EPB41L2: variants seen among roughly 807,000 people sequenced by gnomAD.
EPB41L2 encodes erythrocyte membrane protein band 4.1 like 2.
EPB41L2 carries 43 observed loss-of-function variants against 113.0 expected under a neutral mutation model. The observed-to-expected ratio is 0.38, with a 90% CI of 0.30 to 0.49. The LOEUF (loss-of-function observed/expected upper bound fraction) is 0.49. Ranked by LOEUF, EPB41L2 falls within the 20% of genes least tolerant of loss-of-function variation. The probability of loss-of-function intolerance (pLI) is 0.95; values close to 1 mark genes in which losing one functional copy is unlikely to be tolerated. For missense variants in EPB41L2, 1,147 were observed against 1,223.4 expected, an observed-to-expected ratio of 0.94 and a Z score of 0.93; for synonymous variants, 442 against 436.7, an observed-to-expected ratio of 1.01 and a Z score of -0.15.
intron 3 of EPB41L2, among the ~76,000 whole-genome samples, chr6:130,935,544 C>A (rs1808490705): frequency 6.6e-6 from 1 of 151,862 alleles, no homozygotes; most frequent in African/African-American, 2.4e-5. Context: ...AAAATGGCAC[C>A]AAAAAAATCT....
chr6:130,890,781 T>C (rs1792578307), intron 10 of EPB41L2, among the ~76,000 whole-genome samples: 1 of 152,208 alleles, frequency 6.6e-6, no homozygotes, highest in East Asian at 1.9e-4. Flanking sequence ...TAAACACATG[T>C]CTGAATTTTT....
At chr6:130,896,276 T>C (rs963413813) in intron 8 of EPB41L2, among the ~76,000 whole-genome samples, 1 of 152,236 alleles carries the variant, frequency 6.6e-6, no homozygotes, top group Non-Finnish European at 1.5e-5. Context: ...TTAGACCAAC[T>C]TGAGCCATTT....
intron 12 of EPB41L2, chr6:130,880,468 T>A: frequency 1.5e-6 from 1 of 656,218 alleles, no homozygotes; most frequent in Non-Finnish European, 2.7e-6. Context: ...TCCAGCTGCG[T>A]TTCCTCTTCT....
intron 10 of EPB41L2, among the ~76,000 whole-genome samples, chr6:130,893,002 C>T (rs959005274): frequency 3.9e-5 from 6 of 152,068 alleles, no homozygotes; most frequent in African/African-American, 1.2e-4. Flanking sequence ...GCTAGCTAAA[C>T]TGCAGTGAGA....
rs79349854 is a variant in EPB41L2, at chr6:131,033,887, C to T, written c.-15+29268G>A. Among the ~76,000 whole-genome samples the T allele has an allele frequency of 2.6e-3, 397 of 152,284 alleles. 3 individuals are homozygous for T. Among genetic ancestry groups the T allele is most frequent in the East Asian group, 0.019 (97 of 5,186 alleles). On this transcript the variant is annotated intron_variant, in intron 1 of 19. Transcript: ENST00000337057. ...GGTGATGGTTGCACAGCATTGTGAA[C>T]ATACTTCATGCTTCTGAGCTGCACA...
chr6:131,022,945 G>A (rs1195088383), intron 1 of EPB41L2, among the ~76,000 whole-genome samples: 1 of 152,116 alleles, frequency 6.6e-6, no homozygotes, highest in African/African-American at 2.4e-5. Flanking sequence ...ATTTCCACAA[G>A]GGCAGGAATT....
At chr6:130,857,974 C>T (rs1055316657) in intron 19 of EPB41L2, among the ~76,000 whole-genome samples, 157 bp downstream of exon 19, 35 of 152,266 alleles carry the variant, frequency 2.3e-4, no homozygotes, top group African/African-American at 8.2e-4. Context: ...AGATTATATA[C>T]ACCCGAGCAG....
In EPB41L2 at chr6:130,884,316, C is replaced by T. The variant is rs1172149395; in HGVS notation, c.1833+780G>A. ...AGCCATTGCACTCCAGCCTGGGCAA[C>T]AAGAGCGAAACTTCATCTCGAAAAA... On this transcript the variant is annotated intron_variant, in intron 12 of 19. Transcript: ENST00000337057. Among the ~76,000 whole-genome samples the T allele has an allele frequency of 2.6e-5, 4 of 151,988 alleles. No homozygotes were observed. The East Asian group carries it at 7.7e-4, about 29-fold the overall frequency.
intron 3 of EPB41L2, among the ~76,000 whole-genome samples, chr6:130,935,484 G>A (rs566002091): frequency 1.3e-5 from 2 of 152,122 alleles, no homozygotes; most frequent in South Asian, 4.2e-4. Context: ...TAAGCAACTC[G>A]GTAAGCTTAA....
chr6:130,908,705 A>G, intron 5 of EPB41L2, 116 bp downstream of exon 5: 1 of 677,920 alleles, frequency 1.5e-6, no homozygotes. Flanking sequence ...TAGTATTATT[A>G]ACTTCTAAGA....
chr6:130,960,314 T>A (rs1312115645), intron 1 of EPB41L2, among the ~76,000 whole-genome samples: 1 of 152,230 alleles, frequency 6.6e-6, no homozygotes, highest in Non-Finnish European at 1.5e-5. Context: ...ATTCTCAGAT[T>A]TATTCAAAAT....
At chr6:130,845,649 C>T (rs930928024) in intron 19 of EPB41L2, among the ~76,000 whole-genome samples, 6 of 152,156 alleles carry the variant, frequency 3.9e-5, no homozygotes, top group Non-Finnish European at 4.4e-5. Flanking sequence ...CCAACGTGTT[C>T]GGATTACAGG....
intron 1 of EPB41L2, among the ~76,000 whole-genome samples, chr6:131,008,760 T>C (rs1342863734): frequency 6.6e-6 from 1 of 152,220 alleles, no homozygotes; most frequent in Non-Finnish European, 1.5e-5. Flanking sequence ...GTTTTGGAAC[T>C]TTAAAGTTTA....
intron 1 of EPB41L2, among the ~76,000 whole-genome samples, chr6:131,023,224 A>G (rs1335286210): frequency 6.6e-6 from 1 of 152,238 alleles, no homozygotes; most frequent in African/African-American, 2.4e-5. Flanking sequence ...TGCAATATTT[A>G]AAGACTTTAT....
At chr6:131,017,927 T>C (rs946162360) in intron 1 of EPB41L2, among the ~76,000 whole-genome samples, 1 of 152,224 alleles carries the variant, frequency 6.6e-6, no homozygotes, top group African/African-American at 2.4e-5. Flanking sequence ...TTTCTCTGCA[T>C]TGTGTACAAT....
At chr6:131,049,710 C>T (rs1490073525) in intron 1 of EPB41L2, among the ~76,000 whole-genome samples, 6 of 152,218 alleles carry the variant, frequency 3.9e-5, no homozygotes, top group Non-Finnish European at 8.8e-5. Context: ...CCAATAATCC[C>T]ATAGGACTTT....
chr6:130,955,232 T>G lies in EPB41L2; in HGVS notation c.578A>C (p.Glu193Ala). 2.5e-6 allele frequency: 4 copies of G among 1,614,208 alleles called. No individual in the cohort carries two copies. Among genetic ancestry groups the G allele is most frequent in the Non-Finnish European group, 3.4e-6 (4 of 1,180,036 alleles). The change falls in exon 3 of 20, where the codon GAG becomes GCG. Residue 193 changes from glutamate to alanine, a missense_variant. Glu to Ala is a moderately radical substitution (Grantham distance 107). Transcript: ENST00000337057. ...CTCATTGGTCTGCACTTCCTTGGTCTCCCTTTTTGCTGCTCCTCCTTCTAA... is the reference window on the plus strand; with the variant it reads ...CTCATTGGTCTGCACTTCCTTGGTCGCCCTTTTTGCTGCTCCTCCTTCTAA... Reference protein sequence around the residue: ...DKLEGGAAKRETKEVQTNELK... With the variant: ...DKLEGGAAKRATKEVQTNELK...
chr6:131,039,969 A>C (rs1020143496), intron 1 of EPB41L2, among the ~76,000 whole-genome samples: 2 of 152,226 alleles, frequency 1.3e-5, no homozygotes, highest in African/African-American at 4.8e-5. Context: ...AATAGCCCAC[A>C]TTAATGAGGG....
intron 1 of EPB41L2, among the ~76,000 whole-genome samples, chr6:131,027,282 T>G (rs986138814): frequency 2.6e-5 from 4 of 152,212 alleles, no homozygotes; most frequent in Non-Finnish European, 4.4e-5. Flanking sequence ...GTATAACTGA[T>G]TCTATTAAAT....
Sources: gnomAD v4.1 joint callset for allele counts (sites outside exome capture counted in the v4.1 genomes callset) on GRCh38, gnomAD v4.1.1 for gene constraint, MANE v1.5 for transcripts, NCBI Gene and HGNC (gene_info 2026-07-23, HGNC 2026-07-21) for gene names.